PLA2G4A: variants seen among roughly 807,000 people sequenced by gnomAD.
The protein encoded by PLA2G4A is cytosolic phospholipase A2.
In PLA2G4A, 40 loss-of-function variants were observed where a neutral mutation model predicts 81.9. The observed-to-expected ratio is 0.49, with a 90% CI of 0.38 to 0.64. PLA2G4A has a LOEUF of 0.64. Ranked by LOEUF, PLA2G4A falls within the 30% of genes least tolerant of loss-of-function variation. PLA2G4A has a pLI of 0.00. For synonymous variants in PLA2G4A, 302 were observed against 296.9 expected, an observed-to-expected ratio of 1.02 and a Z score of -0.18; for missense variants, 715 against 905.1, an observed-to-expected ratio of 0.79 and a Z score of 2.69.
At chr1:186,952,851 G>A (rs1021584104) in intron 13 of PLA2G4A, among the ~76,000 whole-genome samples, 6 of 151,978 alleles carry the variant, frequency 3.9e-5, no homozygotes, top group Admixed American at 3.9e-4. Context: ...TGCATTTAAA[G>A]TTCCTCTATG....
At chr1:186,946,997 T>C (rs1443571753) in intron 12 of PLA2G4A, 36 bp downstream of exon 12, 1 of 1,104,662 alleles carries the variant, frequency 9.1e-7, no homozygotes, top group East Asian at 2.3e-5. Flanking sequence ...ATACAAATCT[T>C]GCTACATTGA....
intron 7 of PLA2G4A, among the ~76,000 whole-genome samples, chr1:186,911,597 A>G (rs1654945094): frequency 6.6e-6 from 1 of 152,140 alleles, no homozygotes; most frequent in African/African-American, 2.4e-5. Context: ...TATCAGCTAT[A>G]GTTTTTAGTT....
chr1:186,934,286 A>G (rs1283619313), intron 8 of PLA2G4A, among the ~76,000 whole-genome samples: 1 of 151,912 alleles, frequency 6.6e-6, no homozygotes, highest in East Asian at 1.9e-4. Context: ...GCAAGACTAG[A>G]CTTCGAGTGC....
intron 7 of PLA2G4A, among the ~76,000 whole-genome samples, chr1:186,929,691 G>A (rs1571411530): frequency 6.6e-6 from 1 of 152,116 alleles, no homozygotes; most frequent in Admixed American, 6.6e-5. Flanking sequence ...ACCCAACTTT[G>A]ACTCCAAATA....
In PLA2G4A at chr1:186,956,005, G is replaced by T; in HGVS notation, c.1337-97G>T. 6 of 1,068,004 alleles carry T rather than the reference G, an allele frequency of 5.6e-6. No individual in the cohort carries two copies. The South Asian group carries it at 6.4e-5, about 11-fold the overall frequency. 66.2% of individuals were successfully genotyped at this position (1,068,004 alleles called of 1,614,324 possible). ...TCCGCCCGCCTTGGCCTCCCAAAGT[G>T]CTAGGATTACAGGCGTGAGCCACCG... On this transcript the variant is annotated intron_variant, in intron 13 of 17. Transcript: ENST00000367466.
At chr1:186,940,676 G>A (rs1656119788) in intron 10 of PLA2G4A, among the ~76,000 whole-genome samples, 1 of 152,080 alleles carries the variant, frequency 6.6e-6, no homozygotes, top group Non-Finnish European at 1.5e-5. Flanking sequence ...TATTGTTAGG[G>A]AATAATTACA....
At position 186,946,654 on chromosome 1, in the gene PLA2G4A, C is replaced by A. The variant is rs1344677222; in HGVS notation, c.1051C>A (p.Pro351Thr). ...LMFADWVEFS[P>T]YEIGMAKYGT... ...ACTTTCAGATTGGGTTGAATTTAGT[C>A]CATACGAAATTGGCATGGCTAAATA... Residue 351 changes from proline to threonine, a missense_variant, in exon 11 of 18, where the codon CCA (proline) becomes ACA (threonine). Transcript: ENST00000367466. 1.9e-6 allele frequency: 3 copies of A among 1,610,494 alleles called. No individual in the cohort carries two copies. The highest frequency in any genetic ancestry group is 1.7e-6 in the Non-Finnish European group (2 of 1,177,154).
intron 1 of PLA2G4A, among the ~76,000 whole-genome samples, chr1:186,835,120 A>G (rs997293539): frequency 3.3e-5 from 5 of 152,190 alleles, no homozygotes; most frequent in African/African-American, 9.7e-5. Context: ...AGGTCAGCAC[A>G]TGGCTTCTGA....
At chr1:186,847,709 G>A (rs1652232298) in intron 1 of PLA2G4A, among the ~76,000 whole-genome samples, 2 of 152,086 alleles carry the variant, frequency 1.3e-5, no homozygotes, top group South Asian at 4.1e-4. Flanking sequence ...GAAGAGTTTT[G>A]TTGTTGTTTT....
rs1656745340 is a variant in PLA2G4A at position 186,956,154 on chromosome 1, T to C, written c.1389T>C (p.Ser463=). 6 of 1,612,976 alleles carry C rather than the reference T, an allele frequency of 3.7e-6. No homozygotes were observed. The highest frequency in any genetic ancestry group is 5.1e-6 in the Non-Finnish European group (6 of 1,178,938). The change falls in exon 14 of 18, where the codon AGT becomes AGC. Residue 463 remains serine, a synonymous_variant. Transcript: ENST00000367466. ...ACTATCAAAGTGATAATCAAGCAAG[T>C]TGGATTCATCGTATGATAATGGCCT... ...GSDYQSDNQA[S]WIHRMIMALV... is the part of the protein sequence containing the mutation.
In PLA2G4A at chr1:186,933,248, T is replaced by C. The variant is rs569808862; in HGVS notation, c.695+349T>C. ...AATCTTCTTATAATTTGCTGATTTGTAGTCCTTCAGTGAACATGTCTAAGT... is the reference window on the plus strand; with the variant it reads ...AATCTTCTTATAATTTGCTGATTTGCAGTCCTTCAGTGAACATGTCTAAGT... On this transcript the variant is annotated intron_variant, in intron 8 of 17. Transcript: ENST00000367466. 2.0e-5 allele frequency among the ~76,000 whole-genome samples: 3 copies of C among 152,312 alleles called. No homozygotes were observed. In the East Asian group the frequency reaches 5.8e-4, roughly 29 times the overall value.
intron 3 of PLA2G4A, among the ~76,000 whole-genome samples, chr1:186,884,167 A>G (rs982727067): frequency 8.5e-5 from 13 of 152,220 alleles, no homozygotes; most frequent in Non-Finnish European, 1.6e-4. Context: ...GAAGAACTTA[A>G]ATATGAATAC....
intron 1 of PLA2G4A, among the ~76,000 whole-genome samples, chr1:186,848,048 C>G (rs1049126656): frequency 6.6e-6 from 1 of 152,070 alleles, no homozygotes; most frequent in African/African-American, 2.4e-5. Flanking sequence ...TGCCTGGTAA[C>G]ATGAAAGAAC....
intron 17 of PLA2G4A, among the ~76,000 whole-genome samples, chr1:186,985,212 C>G (rs1448675645): frequency 6.6e-6 from 1 of 152,114 alleles, no homozygotes; most frequent in East Asian, 1.9e-4. Context: ...ACTTAAAAAC[C>G]CTGCCTGTCC....
At chr1:186,963,079 C>G (rs10798075) in intron 14 of PLA2G4A, among the ~76,000 whole-genome samples, 55,523 of 151,910 alleles carry the variant, frequency 0.37, 12,206 homozygotes, top group Non-Finnish European at 0.49. Context: ...TTGTAAGAGT[C>G]GTATAAGAAT....
intron 2 of PLA2G4A, among the ~76,000 whole-genome samples, chr1:186,867,324 C>T (rs1451101396): frequency 6.6e-6 from 1 of 152,118 alleles, no homozygotes; most frequent in African/African-American, 2.4e-5. Context: ...TGAGTCTTCC[C>T]ATCCATGAAT....
At chr1:186,879,462 T>C (rs1653645738) in intron 3 of PLA2G4A, among the ~76,000 whole-genome samples, 1 of 152,002 alleles carries the variant, frequency 6.6e-6, no homozygotes, top group African/African-American at 2.4e-5. Flanking sequence ...TTATGGAGTG[T>C]GTAATTTATA....
chr1:186,988,352 A>G, intron 17 of PLA2G4A, 25 bp from the exon 18 acceptor site: 1 of 1,594,696 alleles, frequency 6.3e-7, no homozygotes, highest in Non-Finnish European at 8.6e-7. Context: ...AGCGCTAATT[A>G]TACAACTTCT....
rs1395777621 is a variant in PLA2G4A, at chr1:186,853,377, T to C, written c.-69-909T>C. On this transcript the variant is annotated intron_variant, in intron 1 of 17. Transcript: ENST00000367466. Reference sequence around the variant, plus strand: ...AATGGTGATTACACTTTATTCTTTGTTCACTTCAGCAGTTTTTGTTTGTGA... The same window carrying C: ...AATGGTGATTACACTTTATTCTTTGCTCACTTCAGCAGTTTTTGTTTGTGA... 4.0e-5 allele frequency among the ~76,000 whole-genome samples: 6 copies of C among 151,798 alleles called. No homozygotes were observed. In the East Asian group the frequency reaches 1.2e-3, roughly 29 times the overall value.
Sources: gnomAD v4.1 joint callset for allele counts (sites outside exome capture counted in the v4.1 genomes callset) on GRCh38, gnomAD v4.1.1 for gene constraint, MANE v1.5 for transcripts, NCBI Gene and HGNC (gene_info 2026-07-23, HGNC 2026-07-21) for gene names.